FANCD2: variants seen among roughly 807,000 people sequenced by gnomAD.
FANCD2 encodes the protein FA complementation group D2.
FANCD2 carries 131 observed loss-of-function variants against 192.3 expected under a neutral mutation model. The observed-to-expected ratio is 0.68, with a 90% CI of 0.59 to 0.79. FANCD2 has a LOEUF of 0.79. Ranked by LOEUF, FANCD2 falls within the 30% of genes least tolerant of loss-of-function variation. FANCD2 has a pLI of 0.00. For synonymous variants in FANCD2, 524 were observed against 612.5 expected (o/e 0.86, Z 2.13); for missense variants, 1,508 against 1,701.6 (o/e 0.89, Z 2.00).
At chr3:10,054,419 A>ATG (rs1193677785) in intron 18 of FANCD2, among the ~76,000 whole-genome samples, 65 of 91,932 alleles carry the variant, frequency 7.1e-4, no homozygotes, top group African/African-American at 5.0e-3. Context: ...ACGTATATAC[A>ATG]TATATACATG....
intron 29 of FANCD2, among the ~76,000 whole-genome samples, chr3:10,076,881 A>C (rs2125053048): frequency 6.6e-6 from 1 of 152,254 alleles, no homozygotes; most frequent in East Asian, 1.9e-4. Flanking sequence ...CCTCCCAAGC[A>C]GCTGGGATTA....
chr3:10,078,296 G>T, intron 30 of FANCD2, 99 bp downstream of exon 30: 1 of 794,442 alleles, frequency 1.3e-6, no homozygotes, highest in East Asian at 2.5e-5. Flanking sequence ...CATTGTGTTT[G>T]GGTCACTGGG....
intron 32 of FANCD2, among the ~76,000 whole-genome samples, chr3:10,084,686 A>G (rs138892285): frequency 1.4e-4 from 21 of 152,320 alleles, no homozygotes; most frequent in African/African-American, 4.8e-4. Context: ...CTGACACCTA[A>G]TAGGCCCTCA....
chr3:10,033,696 G>GTTTTT (rs751645479), intron 3 of FANCD2, among the ~76,000 whole-genome samples: 12 of 62,470 alleles, frequency 1.9e-4, no homozygotes, highest in African/African-American at 7.9e-4. Flanking sequence ...TCAAAGCTAA[G>GTTTTT]TCTTTTTTTT....
chr3:10,045,230 G>A (rs1473312970), intron 14 of FANCD2, among the ~76,000 whole-genome samples: 7 of 151,812 alleles, frequency 4.6e-5, no homozygotes, highest in Admixed American at 3.9e-4. Flanking sequence ...CTGCACTGGC[G>A]TGATCTCGGC....
chr3:10,098,276 G>A (rs1289209236), intron 42 of FANCD2, among the ~76,000 whole-genome samples: 3 of 152,082 alleles, frequency 2.0e-5, no homozygotes, highest in African/African-American at 4.8e-5. Flanking sequence ...GGGTGGAGCC[G>A]GAGTTTGAGT....
At chr3:10,036,217 T>A (rs757853819) in intron 6 of FANCD2, 70 bp from the exon 7 acceptor site, 184 of 1,341,760 alleles carry the variant, frequency 1.4e-4, no homozygotes, top group Non-Finnish European at 1.9e-4. Flanking sequence ...GCCTCCCAAG[T>A]AGCTGGGATT....
chr3:10,076,035 CTT>C (rs138155691), intron 29 of FANCD2, among the ~76,000 whole-genome samples: 54 of 141,652 alleles, frequency 3.8e-4, no homozygotes, highest in Admixed American at 7.1e-4. Flanking sequence ...CCAGCCATAT[CTT>C]TTTTTTTTTT....
At chr3:10,029,354 A>G (rs1203546927) in intron 2 of FANCD2, among the ~76,000 whole-genome samples, 1 of 152,124 alleles carries the variant, frequency 6.6e-6, no homozygotes. Context: ...TTTTTTAATT[A>G]GCTGGGCATG....
chr3:10,073,403 C>T lies in FANCD2; in HGVS notation c.2715+41C>T, dbSNP rs780011242. On this transcript the variant is annotated intron_variant, in intron 28 of 43. Coordinates refer to ENST00000675286, the MANE Select transcript of FANCD2 (RefSeq NM_001018115.3). ...GTATCCGTGAAGGTTTGTGACATCCCAGTGAGATTAACAGAAACCCAGCTT... is the reference window on the plus strand; with the variant it reads ...GTATCCGTGAAGGTTTGTGACATCCTAGTGAGATTAACAGAAACCCAGCTT... 7.3e-6 allele frequency: 10 copies of T among 1,379,222 alleles called. No individual in the cohort carries two copies. The Admixed American group carries it at 1.7e-4, about 23-fold the overall frequency. The allele number at this position is 1,379,222 out of a possible 1,614,324, so 85.4% of individuals were successfully genotyped here.
In FANCD2 at chr3:10,033,723, C is replaced by T. The variant is rs866063529; in HGVS notation, c.206-746C>T. Among the ~76,000 whole-genome samples, 30 of 55,912 alleles carry T rather than the reference C, an allele frequency of 5.4e-4. No individual in the cohort carries two copies. In the South Asian group the frequency reaches 0.016, roughly 29 times the overall value. The allele number at this position is 55,912 out of a possible 152,430, so 36.7% of individuals were successfully genotyped here. A position where few individuals can be genotyped will look rare whatever the true frequency, so the allele number is the denominator to read the frequency against. ...CTTTTTTTTTTTTTTTTTTTTGAGACGGAGTCTTGCTCTGTCGCCCAGGCT... is the reference window on the plus strand; with the variant it reads ...CTTTTTTTTTTTTTTTTTTTTGAGATGGAGTCTTGCTCTGTCGCCCAGGCT... On this transcript the variant is annotated intron_variant, in intron 3 of 43. Coordinates refer to ENST00000675286, the MANE Select transcript of FANCD2 (RefSeq NM_001018115.3).
chr3:10,073,380 A>G lies in FANCD2; in HGVS notation c.2715+18A>G, dbSNP rs1693359470. ...TAAACAAGGTATTGGAATGATGGGT[A>G]TCCGTGAAGGTTTGTGACATCCCAG... On this transcript the variant is annotated intron_variant, in intron 28 of 43. Coordinates refer to ENST00000675286, the MANE Select transcript of FANCD2 (RefSeq NM_001018115.3). 6.5e-7 allele frequency: 1 copy of G among 1,527,418 alleles called. No individual in the cohort carries two copies. The highest frequency in any genetic ancestry group is 9.1e-7 in the Non-Finnish European group (1 of 1,101,028). 94.6% of individuals were successfully genotyped at this position (1,527,418 alleles called of 1,614,324 possible).
intron 14 of FANCD2, 27 bp downstream of exon 14, chr3:10,043,891 A>G (rs1335734469): frequency 7.0e-6 from 11 of 1,560,446 alleles, no homozygotes; most frequent in African/African-American, 1.4e-5. Context: ...ATGCATTTTC[A>G]GTATTGCAGA....
Position 10,078,029 on chromosome 3 carries a change from T to A in FANCD2, c.2860-52T>A, listed in dbSNP as rs373271103. 4.8e-6 allele frequency: 6 copies of A among 1,254,868 alleles called. No homozygotes were observed. The African/African-American group carries it at 7.4e-5, about 15-fold the overall frequency. The allele number at this position is 1,254,868 out of a possible 1,614,324, so 77.7% of individuals were successfully genotyped here. On this transcript the variant is annotated intron_variant, in intron 29 of 43. Coordinates refer to ENST00000675286, the MANE Select transcript of FANCD2 (RefSeq NM_001018115.3). The stretch of plus-strand genomic sequence containing the variant: ...AACAAAAAAGAAAGAAAAAAAATTA[T>A]CATGAAATGACTAGGACATTCCTGG...
intron 9 of FANCD2, 187 bp downstream of exon 9, chr3:10,040,032 T>TA: frequency 1.4e-5 from 8 of 552,178 alleles, no homozygotes; most frequent in Non-Finnish European, 2.4e-5. Flanking sequence ...CCACATACTT[T>TA]CTTTTTTTTT....
At chr3:10,086,837 T>G (rs1465885870) in intron 33 of FANCD2, among the ~76,000 whole-genome samples, 1 of 152,168 alleles carries the variant, frequency 6.6e-6, no homozygotes, top group Non-Finnish European at 1.5e-5. Flanking sequence ...AAAGAGCAGA[T>G]AATTTATCTA....
At chr3:10,041,596 A>G in intron 9 of FANCD2, 27 bp from the exon 10 acceptor site, 1 of 1,507,304 alleles carries the variant, frequency 6.6e-7, no homozygotes, top group East Asian at 2.3e-5. Context: ...CCATTATACA[A>G]CTTTTTTCTT....
chr3:10,057,174 T>C (rs558765131), intron 18 of FANCD2, among the ~76,000 whole-genome samples: 2 of 152,154 alleles, frequency 1.3e-5, no homozygotes, highest in Admixed American at 6.5e-5. Flanking sequence ...ATTTTTAAAT[T>C]AGGTTTTTGT....
At chr3:10,055,324 A>G (rs928085263) in intron 18 of FANCD2, among the ~76,000 whole-genome samples, 3 of 152,156 alleles carry the variant, frequency 2.0e-5, no homozygotes, top group African/African-American at 7.2e-5. Flanking sequence ...ATAATTTGCC[A>G]TCTTCCTCTC....
Sources: gnomAD v4.1 joint callset for allele counts (sites outside exome capture counted in the v4.1 genomes callset) on GRCh38, gnomAD v4.1.1 for gene constraint, MANE v1.5 for transcripts, NCBI Gene and HGNC (gene_info 2026-07-23, HGNC 2026-07-21) for gene names.